The following NRXN3 variants were observed in gnomAD, a reference collection of about 807,000 sequenced individuals.
NRXN3 encodes the protein neurexin III.
A neutral mutation model predicts 137.6 loss-of-function variants in NRXN3; 32 were observed. The ratio of observed to expected loss-of-function variants is 0.23; its 90% CI spans 0.18 to 0.31. NRXN3 has a LOEUF of 0.31. Among genes scored for constraint, NRXN3 ranks in the 10% least tolerant of loss-of-function variants. NRXN3 has a pLI of 1.00. For missense variants in NRXN3, 1,574 were observed against 2,062.5 expected (o/e 0.76, Z 4.59); for synonymous variants, 798 against 784.5 (o/e 1.02, Z -0.29).
intron 19 of NRXN3, among the ~76,000 whole-genome samples, chr14:79,753,717 T>G (rs570953172): frequency 3.9e-3 from 519 of 133,050 alleles, no homozygotes; most frequent in African/African-American, 0.013. Context: ...ACTTAAAGTA[T>G]AATAATAATA....
At chr14:78,739,565 G>A (rs1050077541) in intron 8 of NRXN3, among the ~76,000 whole-genome samples, 20 of 152,158 alleles carry the variant, frequency 1.3e-4, no homozygotes, top group Non-Finnish European at 4.4e-5. Context: ...TCCGCCTCCC[G>A]GGTTCAAGCG....
At chr14:79,662,176 GGT>G (rs1407856405) in intron 16 of NRXN3, among the ~76,000 whole-genome samples, 1 of 152,056 alleles carries the variant, frequency 6.6e-6, no homozygotes, top group African/African-American at 2.4e-5. Context: ...CCCAGTCTCA[GGT>G]GTGTCTTTAC....
chr14:78,869,589 A>G (rs2152562190), intron 10 of NRXN3, among the ~76,000 whole-genome samples: 1 of 152,214 alleles, frequency 6.6e-6, no homozygotes, highest in Middle Eastern at 3.4e-3. Flanking sequence ...ATTGCACTTC[A>G]TTTCATGCCT....
intron 15 of NRXN3, among the ~76,000 whole-genome samples, chr14:79,279,102 C>T (rs1166137191): frequency 6.6e-6 from 1 of 152,192 alleles, no homozygotes; most frequent in Non-Finnish European, 1.5e-5. Context: ...AAAGAAGGCG[C>T]AGTGTCGGTC....
chr14:79,308,599 T>A (rs909410083), intron 15 of NRXN3, among the ~76,000 whole-genome samples: 1 of 151,972 alleles, frequency 6.6e-6, no homozygotes, highest in Non-Finnish European at 1.5e-5. Flanking sequence ...GAGGGAGGGG[T>A]CTGTGCATCT....
At chr14:78,677,892 G>A (rs1195053643) in intron 6 of NRXN3, among the ~76,000 whole-genome samples, 1 of 152,074 alleles carries the variant, frequency 6.6e-6, no homozygotes, top group Non-Finnish European at 1.5e-5. Flanking sequence ...CTCACTGAAG[G>A]CTGTCAACTT....
chr14:78,612,724 TTCTTTTCTGTCTGTA>T, intron 4 of NRXN3, among the ~76,000 whole-genome samples: 1 of 152,334 alleles, frequency 6.6e-6, no homozygotes, highest in South Asian at 2.1e-4. Flanking sequence ...TCTGTATTGT[TTCTTTTCTGTCTGTA>T]ATGCTTTGTT....
At chr14:79,154,923 T>C (rs952855509) in intron 15 of NRXN3, among the ~76,000 whole-genome samples, 1 of 151,944 alleles carries the variant, frequency 6.6e-6, no homozygotes, top group East Asian at 1.9e-4. Context: ...GCTTAAACCT[T>C]GGAGAATCTT....
intron 1 of NRXN3, among the ~76,000 whole-genome samples, chr14:78,173,599 C>T (rs1438610696): frequency 6.8e-6 from 1 of 146,524 alleles, no homozygotes; most frequent in East Asian, 2.0e-4. Flanking sequence ...TATTTCCACA[C>T]ACTGCTCCCC....
At chr14:79,448,813 T>C (rs996714069) in intron 15 of NRXN3, among the ~76,000 whole-genome samples, 5 of 152,168 alleles carry the variant, frequency 3.3e-5, no homozygotes, top group African/African-American at 1.2e-4. Flanking sequence ...TGTATATCTC[T>C]GATTAAATGG....
chr14:78,973,110 A>T (rs1313235125), intron 14 of NRXN3, among the ~76,000 whole-genome samples: 5 of 152,112 alleles, frequency 3.3e-5, no homozygotes, highest in African/African-American at 1.2e-4. Context: ...TCAAGAGGAG[A>T]CCTCATGGGG....
At chr14:79,774,333 A>G (rs2099089847) in intron 19 of NRXN3, among the ~76,000 whole-genome samples, 1 of 152,134 alleles carries the variant, frequency 6.6e-6, no homozygotes, top group African/African-American at 2.4e-5. Flanking sequence ...CTGAAATAGA[A>G]AGAGCAAGTC....
In NRXN3 at chr14:78,504,826, G is replaced by A. The variant is rs118126665; in HGVS notation, c.758-140294G>A. 3.3e-5 allele frequency among the ~76,000 whole-genome samples: 5 copies of A among 152,148 alleles called. No homozygotes were observed. In the East Asian group the frequency reaches 5.8e-4, roughly 18 times the overall value. On this transcript the variant is annotated intron_variant, in intron 4 of 20. Transcript: ENST00000335750. The stretch of plus-strand genomic sequence containing the variant: ...GTGAAATAGTCCTCATAGAAATTTA[G>A]CAATGGCCCCATTTTACAGAAGATG...
intron 19 of NRXN3, among the ~76,000 whole-genome samples, chr14:79,731,679 T>A (rs548521429): frequency 6.7e-6 from 1 of 149,152 alleles, no homozygotes; most frequent in Non-Finnish European, 1.5e-5. Context: ...AGAAACAGGG[T>A]TTCAACATGT....
intron 4 of NRXN3, among the ~76,000 whole-genome samples, chr14:78,441,488 G>A (rs1195347432): frequency 2.0e-5 from 3 of 151,996 alleles, no homozygotes; most frequent in African/African-American, 2.4e-5. Context: ...CTGTGCTTCC[G>A]ATTCCTTGGA....
intron 15 of NRXN3, among the ~76,000 whole-genome samples, chr14:79,237,923 T>A (rs1196705206): frequency 6.6e-6 from 1 of 152,154 alleles, no homozygotes; most frequent in African/African-American, 2.4e-5. Context: ...AACACTGTGA[T>A]GACTAAATGT....
intron 4 of NRXN3, among the ~76,000 whole-genome samples, chr14:78,510,180 A>G (rs2096075975): frequency 6.6e-6 from 1 of 151,768 alleles, no homozygotes; most frequent in South Asian, 2.1e-4. Context: ...AATTTTCCCC[A>G]TCTGTAAAAT....
chr14:79,839,949 C>A (rs2099352345), intron 20 of NRXN3, among the ~76,000 whole-genome samples: 1 of 152,014 alleles, frequency 6.6e-6, no homozygotes, highest in East Asian at 1.9e-4. Context: ...GATAATTACC[C>A]TTGTAACATT....
At chr14:78,717,258 G>T (rs1039631126) in intron 8 of NRXN3, among the ~76,000 whole-genome samples, 1 of 152,072 alleles carries the variant, frequency 6.6e-6, no homozygotes, top group Non-Finnish European at 1.5e-5. Context: ...AACGGGAGTT[G>T]GTCCAAAACT....
Sources: gnomAD v4.1 joint callset for allele counts (sites outside exome capture counted in the v4.1 genomes callset) on GRCh38, gnomAD v4.1.1 for gene constraint, MANE v1.5 for transcripts, NCBI Gene and HGNC (gene_info 2026-07-23, HGNC 2026-07-21) for gene names.